PCLO: variants seen among roughly 807,000 people sequenced by gnomAD.
The protein encoded by PCLO is protein piccolo.
In PCLO, 82 loss-of-function variants were observed where a neutral mutation model predicts 427.5. That is an observed-to-expected ratio of 0.19 (90% CI 0.16 to 0.23). The LOEUF (loss-of-function observed/expected upper bound fraction) is 0.23, where lower values mean the gene tolerates loss of function less well. Among genes scored for constraint, PCLO ranks in the 10% least tolerant of loss-of-function variants. The probability of loss-of-function intolerance (pLI) is 1.00; values close to 1 mark genes in which losing one functional copy is unlikely to be tolerated. For missense variants in PCLO, 6,239 were observed against 6,115.9 expected (o/e 1.02, Z -0.67); for synonymous variants, 2,357 against 2,155.4 (o/e 1.09, Z -2.59).
intron 3 of PCLO, among the ~76,000 whole-genome samples, chr7:83,107,987 A>G (rs1463298440): frequency 9.9e-5 from 3 of 30,422 alleles, no homozygotes; most frequent in Non-Finnish European, 1.5e-4. Context: ...GACTCCGTCT[A>G]AAAAAAAAAA....
intron 10 of PCLO, among the ~76,000 whole-genome samples, chr7:82,868,865 C>G (rs913966500): frequency 1.3e-5 from 2 of 152,098 alleles, no homozygotes; most frequent in African/African-American, 2.4e-5. Context: ...AATATAGATA[C>G]AAGTTATCTT....
chr7:83,055,509 T>A (rs1001245860), intron 3 of PCLO, among the ~76,000 whole-genome samples: 1 of 152,136 alleles, frequency 6.6e-6, no homozygotes, highest in Non-Finnish European at 1.5e-5. Context: ...CCAGTGTGCA[T>A]GTGGACTTTT....
At position 82,914,750 on chromosome 7, in the gene PCLO, T is replaced by C; in HGVS notation, c.13236A>G (p.Arg4412=). The C allele has an allele frequency of 1.9e-6, 3 of 1,613,366 alleles. No homozygotes were observed. The highest frequency in any genetic ancestry group is 1.7e-6 in the Non-Finnish European group (2 of 1,179,658). Residue 4412 remains arginine, a synonymous_variant, in exon 7 of 25, where the codon CGA becomes CGG. Coordinates refer to ENST00000333891, the MANE Select transcript of PCLO (RefSeq NM_033026.6). The part of the protein sequence containing the change: ...QQHMREESRT[R]GYDRDIAFIM... ...TGAATGCTATGTCACGGTCATAGCC[T>C]CGAGTCCGTGATTCTTCCCTCATGT...
intron 16 of PCLO, among the ~76,000 whole-genome samples, chr7:82,831,981 CAG>C (rs780087460): frequency 4.6e-5 from 7 of 152,078 alleles, no homozygotes; most frequent in South Asian, 2.1e-4. Context: ...GGCAGGTAAA[CAG>C]GGGGATTCTT....
At position 82,838,270 on chromosome 7, in the gene PCLO, T is replaced by G; in HGVS notation, c.14170A>C (p.Asn4724His). 6.3e-7 allele frequency: 1 copy of G among 1,589,460 alleles called. No homozygotes were observed. Among genetic ancestry groups the G allele is most frequent in the East Asian group, 2.3e-5 (1 of 44,290 alleles). Residue 4724 changes from asparagine (N) to histidine (H), a missense_variant, in exon 15 of 25, where the codon AAC (asparagine) becomes CAC (histidine). Asn to His is a moderately conservative substitution (Grantham distance 68, BLOSUM62 1). This residue lies in a region of PCLO where 877 missense variants were observed against 925.5 expected (regional missense o/e 0.95). Coordinates refer to ENST00000333891, the MANE Select transcript of PCLO (RefSeq NM_033026.6). ...LQARNLVPRDNNGYSDPFVKV... is the reference protein window; with the variant it reads ...LQARNLVPRDHNGYSDPFVKV... ...ACAAAAGGGTCAGAATAACCATTGT[T>G]GTCTCGAGGAACAAGATTTCTTGCT...
chr7:82,771,045 G>A (rs62466891), intron 22 of PCLO, among the ~76,000 whole-genome samples: 4,135 of 151,888 alleles, frequency 0.027, 84 homozygotes, highest in African/African-American at 0.051. Context: ...CCTAGTTACC[G>A]TGTGTTTGAA....
chr7:82,769,741 A>G (rs1481455905), intron 22 of PCLO, among the ~76,000 whole-genome samples: 2 of 152,192 alleles, frequency 1.3e-5, no homozygotes, highest in Non-Finnish European at 2.9e-5. Flanking sequence ...ACTAATAAAT[A>G]CCACATAGCA....
chr7:82,783,910 A>C (rs1247645728), intron 22 of PCLO, among the ~76,000 whole-genome samples: 1 of 151,034 alleles, frequency 6.6e-6, no homozygotes, highest in Non-Finnish European at 1.5e-5. Flanking sequence ...AATTATATAT[A>C]ATTATATATG....
At chr7:82,789,065 AT>A (rs1418602035) in intron 22 of PCLO, among the ~76,000 whole-genome samples, 8 of 152,014 alleles carry the variant, frequency 5.3e-5, no homozygotes, top group Non-Finnish European at 1.2e-4. Context: ...ATGAAAAAAA[AT>A]GATTAGTTAT....
intron 3 of PCLO, among the ~76,000 whole-genome samples, chr7:83,058,432 C>G (rs2116302909): frequency 6.6e-6 from 1 of 152,252 alleles, no homozygotes; most frequent in Non-Finnish European, 1.5e-5. Context: ...ATAAAAGAAT[C>G]TGAGGCACTT....
At chr7:83,003,493 A>C (rs2115938279) in intron 3 of PCLO, among the ~76,000 whole-genome samples, 1 of 151,996 alleles carries the variant, frequency 6.6e-6, no homozygotes, top group Admixed American at 6.6e-5. Context: ...GAAACACATA[A>C]AAATATGGAA....
chr7:82,835,522 G>A (rs374571375), intron 16 of PCLO, 145 bp downstream of exon 16: 16 of 605,436 alleles, frequency 2.6e-5, no homozygotes, highest in South Asian at 1.3e-4. Context: ...ACAATTTGTC[G>A]CAGTGCTGAT....
At chr7:83,152,615 T>C (rs1030923783) in intron 2 of PCLO, among the ~76,000 whole-genome samples, 7 of 152,144 alleles carry the variant, frequency 4.6e-5, no homozygotes, top group African/African-American at 1.7e-4. Context: ...ACTCTGTACT[T>C]TTGTAGCTCC....
intron 3 of PCLO, among the ~76,000 whole-genome samples, chr7:83,126,320 G>A (rs1791438431): frequency 6.6e-6 from 1 of 152,060 alleles, no homozygotes; most frequent in South Asian, 2.1e-4. Context: ...TAGCAAAACA[G>A]GGTGACTACA....
intron 3 of PCLO, among the ~76,000 whole-genome samples, chr7:83,004,232 G>A (rs1045011045): frequency 1.3e-5 from 2 of 151,742 alleles, no homozygotes; most frequent in Non-Finnish European, 2.9e-5. Context: ...AAAGGTATAG[G>A]TATCATACTT....
chr7:83,142,384 T>C (rs758870654), intron 2 of PCLO, among the ~76,000 whole-genome samples: 9 of 152,156 alleles, frequency 5.9e-5, no homozygotes, highest in Non-Finnish European at 1.3e-4. Context: ...GACTATTTAC[T>C]CCATCAAAGC....
chr7:83,158,649 A>G (rs1222468325), intron 1 of PCLO, among the ~76,000 whole-genome samples: 3 of 152,068 alleles, frequency 2.0e-5, no homozygotes, highest in Non-Finnish European at 4.4e-5. Context: ...AATAAACTTC[A>G]TGAATGTCAA....
At chr7:83,148,294 CA>C (rs1026099499) in intron 2 of PCLO, among the ~76,000 whole-genome samples, 8 of 152,284 alleles carry the variant, frequency 5.3e-5, no homozygotes, top group Admixed American at 3.9e-4. Context: ...GGGAACCCTA[CA>C]ACCCAACCCC....
intron 3 of PCLO, among the ~76,000 whole-genome samples, chr7:83,059,813 G>A (rs1766092367): frequency 2.0e-5 from 3 of 152,068 alleles, no homozygotes; most frequent in Admixed American, 1.3e-4. Flanking sequence ...GAAAAGAGCA[G>A]AATGGAAAGA....
Sources: allele counts gnomAD v4.1 joint callset (sites outside exome capture counted in the v4.1 genomes callset), GRCh38; gene constraint gnomAD v4.1.1; regional missense constraint gnomAD v4.1.1; transcripts MANE v1.5; gene names NCBI Gene and HGNC (gene_info 2026-07-23, HGNC 2026-07-21).